MECOM: variants seen among roughly 807,000 people sequenced by gnomAD.
MECOM encodes the protein histone-lysine N-methyltransferase MECOM.
MECOM carries 13 observed loss-of-function variants against 116.3 expected under a neutral mutation model. The observed-to-expected ratio is 0.11, with a 90% CI of 0.07 to 0.18. MECOM has a LOEUF of 0.18. MECOM is among the 10% of genes least tolerant of loss of function. MECOM has a pLI of 1.00. For missense variants in MECOM, 1,299 were observed against 1,509.0 expected (o/e 0.86, Z 2.31); for synonymous variants, 528 against 535.2 (o/e 0.99, Z 0.19).
intron 2 of MECOM, among the ~76,000 whole-genome samples, chr3:169,216,737 A>G (rs1191800473): frequency 6.6e-6 from 1 of 152,206 alleles, no homozygotes; most frequent in Non-Finnish European, 1.5e-5. Flanking sequence ...TAAGAAAAAT[A>G]GTTTATAAAA....
intron 1 of MECOM, among the ~76,000 whole-genome samples, chr3:169,473,496 C>T (rs1207613377): frequency 1.3e-5 from 2 of 152,214 alleles, no homozygotes; most frequent in African/African-American, 2.4e-5. Context: ...TACGGCAGGG[C>T]GTGGTGGCTC....
chr3:169,477,584 G>A (rs773633953), intron 1 of MECOM, among the ~76,000 whole-genome samples: 5 of 152,290 alleles, frequency 3.3e-5, no homozygotes, highest in East Asian at 1.9e-4. Flanking sequence ...GAGGCTCTGC[G>A]TCCTGCTCCT....
chr3:169,279,618 A>G (rs1282567829), intron 2 of MECOM, among the ~76,000 whole-genome samples: 1 of 152,178 alleles, frequency 6.6e-6, no homozygotes, highest in African/African-American at 2.4e-5. Flanking sequence ...TTGTGCATGT[A>G]TGTGGCTTTG....
intron 1 of MECOM, among the ~76,000 whole-genome samples, chr3:169,607,994 T>C (rs193036643): frequency 9.2e-5 from 14 of 152,332 alleles, no homozygotes; most frequent in African/African-American, 3.4e-4. Context: ...CCTTGTCATG[T>C]ATCCCTACCA....
chr3:169,152,123 A>G (rs1741259587), intron 2 of MECOM, among the ~76,000 whole-genome samples: 1 of 152,192 alleles, frequency 6.6e-6, no homozygotes. Context: ...ACAGTCCAGC[A>G]CAATACAAAT....
chr3:169,102,324 A>C, intron 10 of MECOM, 98 bp from the exon 11 acceptor site: 4 of 1,112,912 alleles, frequency 3.6e-6, no homozygotes, highest in Non-Finnish European at 5.0e-6. Context: ...GAAGCATGAA[A>C]TCTGCGACGG....
At position 169,116,738 on chromosome 3, in the gene MECOM, A is replaced by G. The variant is rs753127032; in HGVS notation, c.1134T>C (p.Cys378=). Residue 378 remains cysteine (C), a splice_region_variant and synonymous_variant, in exon 8 of 17, where the codon TGT becomes TGC. Coordinates refer to ENST00000651503, the MANE Select transcript of MECOM (RefSeq NM_004991.4). ...HIHSSVKPFI[C]EVCHKSYTQF... is the part of the protein sequence containing the mutation. ...GAGTATAGGATTTATGGCAGACCTCACCTGTGTGCAAACAACAAAAAAGAA... is the reference window on the plus strand; with the variant it reads ...GAGTATAGGATTTATGGCAGACCTCGCCTGTGTGCAAACAACAAAAAAGAA... 1 of 1,578,186 alleles carries G rather than the reference A, an allele frequency of 6.3e-7. No homozygotes were observed. The highest frequency in any genetic ancestry group is 8.6e-7 in the Non-Finnish European group (1 of 1,163,448).
At chr3:169,255,450 G>C (rs1333274936) in intron 2 of MECOM, among the ~76,000 whole-genome samples, 1 of 151,562 alleles carries the variant, frequency 6.6e-6, no homozygotes, top group East Asian at 1.9e-4. Context: ...ATAGGTAAAC[G>C]TAGATTATTG....
At chr3:169,608,849 A>C (rs1768908173) in intron 1 of MECOM, among the ~76,000 whole-genome samples, 1 of 152,166 alleles carries the variant, frequency 6.6e-6, no homozygotes, top group Non-Finnish European at 1.5e-5. Context: ...ACAGCATTTA[A>C]AGTTTTTATT....
At chr3:169,489,078 T>C (rs1000815822) in intron 1 of MECOM, among the ~76,000 whole-genome samples, 49 of 152,170 alleles carry the variant, frequency 3.2e-4, no homozygotes, top group Non-Finnish European at 6.3e-4. Flanking sequence ...GATTTTTAAA[T>C]GCTAGATAGA....
chr3:169,286,177 C>T (rs1038587200), intron 2 of MECOM, among the ~76,000 whole-genome samples: 1 of 152,152 alleles, frequency 6.6e-6, no homozygotes, highest in African/African-American at 2.4e-5. Context: ...ATAAAATGAT[C>T]AGTAGCTCTT....
chr3:169,208,733 G>A (rs1257398432), intron 2 of MECOM, among the ~76,000 whole-genome samples: 1 of 152,010 alleles, frequency 6.6e-6, no homozygotes, highest in African/African-American at 2.4e-5. Context: ...TCATGGACAG[G>A]AAGAATCAAT....
intron 1 of MECOM, among the ~76,000 whole-genome samples, chr3:169,469,188 G>T (rs1194876885): frequency 1.3e-5 from 2 of 152,144 alleles, no homozygotes; most frequent in African/African-American, 4.8e-5. Flanking sequence ...GATGGTGACT[G>T]AGCTGATTCT....
chr3:169,485,974 A>ATATATACTATATATG (rs1560340838), intron 1 of MECOM, among the ~76,000 whole-genome samples: 552 of 45,774 alleles, frequency 0.012, 4 homozygotes, highest in African/African-American at 0.056. Flanking sequence ...CTATATATAC[A>ATATATACTATATATG]TATATATATA....
At chr3:169,658,258 C>T (rs1420834346) in intron 1 of MECOM, among the ~76,000 whole-genome samples, 2 of 152,176 alleles carry the variant, frequency 1.3e-5, no homozygotes, top group African/African-American at 2.4e-5. Context: ...AAGGGTTAAC[C>T]GTCACTCCAA....
chr3:169,217,941 A>AC (rs556501214), intron 2 of MECOM, among the ~76,000 whole-genome samples: 29 of 151,370 alleles, frequency 1.9e-4, no homozygotes, highest in African/African-American at 6.8e-4. Flanking sequence ...AGAATTTACA[A>AC]CATGGCCTTG....
In MECOM at chr3:169,212,658, A is replaced by G. The variant is rs1273499410; in HGVS notation, c.376-68826T>C. 2.1e-5 allele frequency among the ~76,000 whole-genome samples: 2 copies of G among 94,178 alleles called. 1 individual carries two copies. Among genetic ancestry groups the G allele is most frequent in the Non-Finnish European group, 4.4e-5 (2 of 45,402 alleles). The allele number at this position is 94,178 out of a possible 152,430, so 61.8% of individuals were successfully genotyped here. ...AATGTATATATATATATATATATAT[A>G]TATATATATATATATATATATATAT... On this transcript the variant is annotated intron_variant, in intron 2 of 16. Coordinates refer to ENST00000651503, the MANE Select transcript of MECOM (RefSeq NM_004991.4).
At chr3:169,657,922 T>A (rs1027002740) in intron 1 of MECOM, among the ~76,000 whole-genome samples, 1 of 152,218 alleles carries the variant, frequency 6.6e-6, no homozygotes, top group African/African-American at 2.4e-5. Flanking sequence ...CCAATCTGTG[T>A]GCAAACTAAG....
In MECOM at chr3:169,472,633, A is replaced by AAAAGG. The variant is rs1293944139; in HGVS notation, c.38-91114_38-91110dup. Among the ~76,000 whole-genome samples the AAAAGG allele has an allele frequency of 7.5e-4, 45 of 60,334 alleles. 10 individuals carry two copies. Among genetic ancestry groups the AAAAGG allele is most frequent in the South Asian group, 1.4e-3 (3 of 2,092 alleles). The allele number at this position is 60,334 out of a possible 152,430, so 39.6% of individuals were successfully genotyped here. A position where few individuals can be genotyped will look rare whatever the true frequency, so the allele number is the denominator to read the frequency against. On this transcript the variant is annotated intron_variant, in intron 1 of 16. Coordinates refer to ENST00000651503, the MANE Select transcript of MECOM (RefSeq NM_004991.4). ...GAAAGGAAAGAAAAGAAAAGAAAAG[A>AAAAGG]AAAGGAAAGGAAAGGAAAAGAAAAG... is the stretch of plus-strand genomic sequence containing the variant.
Sources: allele counts gnomAD v4.1 joint callset (sites outside exome capture counted in the v4.1 genomes callset), GRCh38; gene constraint gnomAD v4.1.1; transcripts MANE v1.5; gene names NCBI Gene and HGNC (gene_info 2026-07-23, HGNC 2026-07-21).